The following COL25A1 variants were observed in gnomAD, a reference collection of about 807,000 sequenced individuals.
COL25A1 encodes collagen alpha-1(XXV) chain.
COL25A1 carries 103 observed loss-of-function variants against 128.4 expected under a neutral mutation model. That is an observed-to-expected ratio of 0.80 (90% confidence interval 0.68 to 0.94). The LOEUF is 0.94. Among genes scored for constraint, COL25A1 ranks in the 40% least tolerant of loss-of-function variants. COL25A1 has a pLI of 0.00. For missense variants in COL25A1, 745 were observed against 840.0 expected (o/e 0.89, Z 1.40); for synonymous variants, 279 against 277.2 (o/e 1.01, Z -0.06).
At chr4:108,979,600 T>C (rs193245505) in intron 6 of COL25A1, among the ~76,000 whole-genome samples, 3 of 152,324 alleles carry the variant, frequency 2.0e-5, no homozygotes, top group Admixed American at 2.0e-4. Flanking sequence ...TGGGAATTCT[T>C]GGCAGCCCGA....
intron 5 of COL25A1, among the ~76,000 whole-genome samples, chr4:109,043,786 T>C (rs1194067286): frequency 6.6e-6 from 1 of 152,110 alleles, no homozygotes; most frequent in Admixed American, 6.6e-5. Context: ...TAAATTTTGA[T>C]CAAACTCTCT....
chr4:108,990,209 T>C (rs1224295106), intron 6 of COL25A1, among the ~76,000 whole-genome samples: 1 of 14,030 alleles, frequency 7.1e-5, no homozygotes, highest in African/African-American at 3.8e-4. Context: ...CAAAACTCCA[T>C]CTCAAAAAAA....
At chr4:108,878,696 A>G (rs569998318) in intron 19 of COL25A1, among the ~76,000 whole-genome samples, 2 of 152,296 alleles carry the variant, frequency 1.3e-5, no homozygotes, top group Middle Eastern at 3.4e-3. Flanking sequence ...GAACTATAAT[A>G]GCAGGTTTAT....
intron 3 of COL25A1, among the ~76,000 whole-genome samples, chr4:109,239,376 A>G (rs866230766): frequency 1.2e-3 from 142 of 118,044 alleles, no homozygotes; most frequent in African/African-American, 4.3e-3. Flanking sequence ...ATGTGTGTGT[A>G]TGTGTGTGTG....
chr4:108,982,257 A>T (rs940317808), intron 6 of COL25A1, among the ~76,000 whole-genome samples: 3 of 152,118 alleles, frequency 2.0e-5, no homozygotes, highest in Non-Finnish European at 2.9e-5. Flanking sequence ...ACCAAAAGAA[A>T]ATGCCTTGGG....
intron 13 of COL25A1, among the ~76,000 whole-genome samples, chr4:108,903,099 T>C (rs556980144): frequency 6.6e-6 from 1 of 152,042 alleles, no homozygotes; most frequent in East Asian, 1.9e-4. Flanking sequence ...CCGGACAAAA[T>C]TCATGCTGAG....
chr4:108,886,486 G>T (rs1334186105), intron 18 of COL25A1, among the ~76,000 whole-genome samples: 1,346 of 79,632 alleles, frequency 0.017, 52 homozygotes, highest in East Asian at 0.068. Flanking sequence ...GTGTGTGTGT[G>T]TGTGTGTTTA....
At chr4:108,920,827 A>G (rs1021748307) in intron 11 of COL25A1, among the ~76,000 whole-genome samples, 1 of 152,094 alleles carries the variant, frequency 6.6e-6, no homozygotes, top group Non-Finnish European at 1.5e-5. Flanking sequence ...CAGGATTCTG[A>G]TTTCTCCTCT....
At chr4:109,113,099 G>C (rs1309446996) in intron 3 of COL25A1, among the ~76,000 whole-genome samples, 1 of 152,086 alleles carries the variant, frequency 6.6e-6, no homozygotes, top group Admixed American at 6.6e-5. Context: ...ACCGGAGAGA[G>C]GAAAAACAAA....
chr4:109,004,382 G>C (rs1197952555), intron 6 of COL25A1, among the ~76,000 whole-genome samples: 1 of 144,242 alleles, frequency 6.9e-6, no homozygotes, highest in African/African-American at 2.6e-5. Context: ...ATGTGATATA[G>C]AAGTAGAATT....
intron 11 of COL25A1, among the ~76,000 whole-genome samples, chr4:108,932,086 T>C (rs1746821561): frequency 6.6e-6 from 1 of 152,202 alleles, no homozygotes. Context: ...TTGCTTCCTC[T>C]GCCAGATCCA....
intron 8 of COL25A1, among the ~76,000 whole-genome samples, chr4:108,943,227 CA>C (rs1157968863): frequency 2.6e-5 from 4 of 152,150 alleles, no homozygotes; most frequent in Non-Finnish European, 5.9e-5. Flanking sequence ...AATGTTAGTA[CA>C]AAATGGAGAT....
In COL25A1 at chr4:108,841,680, G is replaced by C. The variant is rs557486075; in HGVS notation, c.1656+15C>G. 6.2e-7 allele frequency: 1 copy of C among 1,606,376 alleles called. No homozygotes were observed. The highest frequency in any genetic ancestry group is 1.7e-5 in the Admixed American group (1 of 59,944). On this transcript the variant is annotated intron_variant, in intron 31 of 37. Coordinates refer to ENST00000399132, the MANE Select transcript of COL25A1 (RefSeq NM_198721.4). The stretch of plus-strand genomic sequence containing the variant: ...GGAAGCAGAAATCAAATAATCAAGG[G>C]ATTTGTTGGATTACCTTTGGTCCAG...
chr4:108,823,769 T>C, intron 35 of COL25A1: 3 of 380,006 alleles, frequency 7.9e-6, no homozygotes, highest in Non-Finnish European at 1.3e-5. Flanking sequence ...TCCATTTCTC[T>C]ACTGGGAAGT....
intron 3 of COL25A1, among the ~76,000 whole-genome samples, chr4:109,140,308 G>A (rs969510937): frequency 4.6e-5 from 7 of 152,192 alleles, no homozygotes; most frequent in African/African-American, 7.2e-5. Flanking sequence ...TTTGGTACCA[G>A]TACCATGCTA....
intron 12 of COL25A1, among the ~76,000 whole-genome samples, chr4:108,920,052 G>A (rs1202105746): frequency 1.1e-4 from 17 of 152,164 alleles, no homozygotes; most frequent in Admixed American, 1.1e-3. Context: ...ATGAGCCACT[G>A]TGCCTGGCCT....
chr4:109,301,206 C>T (rs1034802016), intron 2 of COL25A1, among the ~76,000 whole-genome samples: 6 of 151,168 alleles, frequency 4.0e-5, no homozygotes, highest in Admixed American at 6.6e-5. Context: ...AAAAATAAAG[C>T]TACTTTAAAA....
intron 3 of COL25A1, among the ~76,000 whole-genome samples, chr4:109,115,113 A>C (rs1442658173): frequency 1.3e-5 from 2 of 152,132 alleles, no homozygotes; most frequent in Non-Finnish European, 2.9e-5. Context: ...CACATATTGA[A>C]TAAGAGTCAA....
chr4:109,286,316 G>C (rs1455287589), intron 3 of COL25A1, among the ~76,000 whole-genome samples: 1 of 152,108 alleles, frequency 6.6e-6, no homozygotes, highest in Non-Finnish European at 1.5e-5. Flanking sequence ...GTTCAACCTT[G>C]AGGTACACCT....
Sources: gnomAD v4.1 joint callset for allele counts (sites outside exome capture counted in the v4.1 genomes callset) on GRCh38, gnomAD v4.1.1 for gene constraint, MANE v1.5 for transcripts, NCBI Gene and HGNC (gene_info 2026-07-23, HGNC 2026-07-21) for gene names.